Variants in AEBP2 observed in about 807,000 individuals in gnomAD.
AEBP2 encodes the protein zinc finger protein AEBP2.
In AEBP2, 10 loss-of-function variants were observed where a neutral mutation model predicts 50.8. The observed-to-expected ratio is 0.20, with a 90% confidence interval of 0.12 to 0.33. The LOEUF (loss-of-function observed/expected upper bound fraction) is 0.33. Ranked by LOEUF, AEBP2 falls within the 10% of genes least tolerant of loss-of-function variation. The pLI, the probability that AEBP2 is intolerant of heterozygous loss-of-function variation, is 1.00. For synonymous variants in AEBP2, 296 were observed against 261.3 expected (o/e 1.13, Z -1.28); for missense variants, 570 against 688.0 (o/e 0.83, Z 1.92).
intron 7 of AEBP2, 120 bp downstream of exon 7, chr12:19,514,904 C>A: frequency 1.5e-6 from 1 of 686,662 alleles, no homozygotes; most frequent in Non-Finnish European, 2.4e-6. Context: ...TATCTCATTA[C>A]TTCCTGGCTT....
intron 1 of AEBP2, among the ~76,000 whole-genome samples, chr12:19,451,299 C>T (rs1718249577): frequency 6.6e-6 from 1 of 152,132 alleles, no homozygotes; most frequent in Non-Finnish European, 1.5e-5. Context: ...ATCAGAATGC[C>T]CACTGACTCA....
intron 3 of AEBP2, among the ~76,000 whole-genome samples, chr12:19,477,037 T>G (rs911577866): frequency 9.9e-5 from 15 of 152,180 alleles, no homozygotes; most frequent in Admixed American, 7.2e-4. Flanking sequence ...ACCTCCTTGG[T>G]TAGGTATATT....
At chr12:19,404,208 C>T (rs986605633) in exon 1 of AEBP2, 1 of 152,286 alleles carries the variant, frequency 6.6e-6, no homozygotes, top group Non-Finnish European at 1.5e-5. Flanking sequence ...CCCAGCGGTC[C>T]TTTGTGAGGT....
chr12:19,450,087 A>G (rs1948140682), intron 1 of AEBP2, among the ~76,000 whole-genome samples: 1 of 152,186 alleles, frequency 6.6e-6, no homozygotes, highest in Non-Finnish European at 1.5e-5. Flanking sequence ...AGCCTACAGC[A>G]CCACCGCAGT....
At chr12:19,451,488 C>T (rs536039164) in intron 1 of AEBP2, among the ~76,000 whole-genome samples, 2 of 152,220 alleles carry the variant, frequency 1.3e-5, no homozygotes, top group Admixed American at 6.5e-5. Flanking sequence ...TGAAGACTCC[C>T]GAGCTGAGTG....
At chr12:19,406,974 T>G (rs1291545867) in intron 1 of AEBP2, among the ~76,000 whole-genome samples, 1 of 152,180 alleles carries the variant, frequency 6.6e-6, no homozygotes, top group East Asian at 1.9e-4. Flanking sequence ...TTGTATTACC[T>G]TTGCTCCTCT....
At chr12:19,436,269 C>G (rs1469894070), upstream of AEBP2, among the ~76,000 whole-genome samples, 1 of 152,156 alleles carries the variant, frequency 6.6e-6, no homozygotes, top group Non-Finnish European at 1.5e-5. Flanking sequence ...ACCCTATCGT[C>G]TAAAAAATGG....
intron 5 of AEBP2, among the ~76,000 whole-genome samples, chr12:19,501,647 A>T (rs1409972754): frequency 8.2e-6 from 1 of 122,100 alleles, no homozygotes; most frequent in Non-Finnish European, 2.1e-5. Context: ...GAAAAAAAAA[A>T]ATTATATATA....
chr12:19,490,949 T>C (rs1948887967), intron 3 of AEBP2, among the ~76,000 whole-genome samples: 1 of 152,230 alleles, frequency 6.6e-6, no homozygotes, highest in Non-Finnish European at 1.5e-5. Flanking sequence ...TTGTACACTT[T>C]CAAATGGTTA....
intron 1 of AEBP2, among the ~76,000 whole-genome samples, chr12:19,443,779 C>T (rs1948007974): frequency 6.6e-6 from 1 of 152,012 alleles, no homozygotes; most frequent in Non-Finnish European, 1.5e-5. Flanking sequence ...CCTGAGATGT[C>T]ATTTATGGTA....
In AEBP2 at chr12:19,522,005, T is replaced by A. The variant is rs747408098; in HGVS notation, c.*3888T>A. ...TGTATGTCTGTGTAACAAAGCCTGTTGGGTACAGGTCTACAAGGAGATACT... is the reference window on the plus strand; with the variant it reads ...TGTATGTCTGTGTAACAAAGCCTGTAGGGTACAGGTCTACAAGGAGATACT... On this transcript the variant is annotated 3_prime_UTR_variant, in exon 8 of 8. Transcript: ENST00000266508. 2 of 152,104 alleles carry A rather than the reference T, an allele frequency of 1.3e-5. No individual in the cohort carries two copies. Among genetic ancestry groups the A allele is most frequent in the Non-Finnish European group, 2.9e-5 (2 of 68,000 alleles). 9.4% of individuals were successfully genotyped at this position (152,104 alleles called of 1,614,324 possible).
chr12:19,439,690 A>G lies in AEBP2; in HGVS notation c.-10A>G. The G allele has an allele frequency of 6.6e-7, 1 of 1,513,434 alleles. No individual in the cohort carries two copies. Among genetic ancestry groups the G allele is most frequent in the Non-Finnish European group, 8.8e-7 (1 of 1,137,444 alleles). The allele number at this position is 1,513,434 out of a possible 1,614,324, so 93.8% of individuals were successfully genotyped here. ...GGGGAGGAGGAGGAGGAGGAGGAGC[A>G]GGCGCCGCCATGGCCGCCGCTATCA... On this transcript the variant is annotated 5_prime_UTR_variant, in exon 1 of 8. Transcript: ENST00000266508.
intron 1 of AEBP2, among the ~76,000 whole-genome samples, chr12:19,434,206 T>A (rs2095753071): frequency 6.7e-6 from 1 of 149,556 alleles, no homozygotes; most frequent in Non-Finnish European, 1.5e-5. Flanking sequence ...GGAGTTTTGC[T>A]CTTGTTGCCC....
chr12:19,425,090 C>G (rs1467512823), intron 1 of AEBP2, among the ~76,000 whole-genome samples: 1 of 152,192 alleles, frequency 6.6e-6, no homozygotes, highest in Non-Finnish European at 1.5e-5. Context: ...ATGTAACAGT[C>G]TAGCCACTAA....
intron 3 of AEBP2, among the ~76,000 whole-genome samples, chr12:19,482,754 G>A (rs1948749079): frequency 1.3e-5 from 2 of 152,164 alleles, no homozygotes; most frequent in South Asian, 4.1e-4. Flanking sequence ...ATTAGGCGGG[G>A]CTTGCCACAG....
intron 1 of AEBP2, among the ~76,000 whole-genome samples, chr12:19,419,588 C>G (rs559899916): frequency 1.6e-4 from 22 of 135,064 alleles, no homozygotes; most frequent in African/African-American, 3.1e-4. Context: ...GACTCCGTCT[C>G]AAAAAATAAT....
At chr12:19,440,743 C>T (rs1565703329) in intron 1 of AEBP2, 1 of 1,533,576 alleles carries the variant, frequency 6.5e-7, no homozygotes, top group Admixed American at 2.0e-5. Flanking sequence ...CTTCTTCCAA[C>T]CGTGTTCGGG....
At chr12:19,477,789 G>A (rs1240666325) in intron 3 of AEBP2, among the ~76,000 whole-genome samples, 1 of 152,156 alleles carries the variant, frequency 6.6e-6, no homozygotes, top group Non-Finnish European at 1.5e-5. Context: ...GGTGATACTG[G>A]CTTCATAGAA....
rs540512976 is a variant in AEBP2 at position 19,466,968 on chromosome 12, C to T, written c.879+4251C>T. 59 of 245,638 alleles carry T rather than the reference C, an allele frequency of 2.4e-4. 1 individual carries two copies. Among genetic ancestry groups the T allele is most frequent in the Middle Eastern group, 2.0e-3 (1 of 502 alleles). 15.2% of individuals were successfully genotyped at this position (245,638 alleles called of 1,614,324 possible). A position where few individuals can be genotyped will look rare whatever the true frequency, so the allele number is the denominator to read the frequency against. ...TATCCACTTAGCATTGTTTTTTTCC[C>T]CCTTTTAAGTTGTTTATGTTGCTAT... On this transcript the variant is annotated intron_variant, in intron 2 of 7. Transcript: ENST00000266508.
Sources: allele counts gnomAD v4.1 joint callset (sites outside exome capture counted in the v4.1 genomes callset), GRCh38; gene constraint gnomAD v4.1.1; transcripts MANE v1.5; gene names NCBI Gene and HGNC (gene_info 2026-07-23, HGNC 2026-07-21).